GRIK2: variants seen among roughly 807,000 people sequenced by gnomAD.
GRIK2 encodes the protein glutamate receptor ionotropic, kainate 2.
In GRIK2, 32 loss-of-function variants were observed where a neutral mutation model predicts 100.3. The ratio of observed to expected loss-of-function variants is 0.32; its 90% CI spans 0.24 to 0.43. GRIK2 has a LOEUF of 0.43. Ranked by LOEUF, GRIK2 falls within the 20% of genes least tolerant of loss-of-function variation. The probability of loss-of-function intolerance (pLI) is 1.00; values close to 1 mark genes in which losing one functional copy is unlikely to be tolerated. For missense variants in GRIK2, 843 were observed against 1,114.9 expected (o/e 0.76, Z 3.47); for synonymous variants, 417 against 389.4 (o/e 1.07, Z -0.83).
chr6:101,962,199 C>A (rs1290247384), intron 14 of GRIK2, among the ~76,000 whole-genome samples: 1 of 151,880 alleles, frequency 6.6e-6, no homozygotes, highest in Non-Finnish European at 1.5e-5. Flanking sequence ...TTTGTGTGCC[C>A]CAGCTTTTTC....
chr6:101,734,689 G>A (rs1775513634), intron 7 of GRIK2, among the ~76,000 whole-genome samples: 1 of 152,186 alleles, frequency 6.6e-6, no homozygotes, highest in South Asian at 2.1e-4. Flanking sequence ...ATCCTACAGG[G>A]CCCTGAAGGA....
rs1277863835 is a variant in GRIK2, at chr6:101,721,089, A to T, written c.951+34736A>T. The stretch of plus-strand genomic sequence containing the variant: ...ATGTCCATTTGTTTTTTAGAATGAT[A>T]AATTTTTAATAATTTTTACAATTCC... On this transcript the variant is annotated intron_variant, in intron 7 of 16. Coordinates refer to ENST00000369134, the MANE Select transcript of GRIK2 (RefSeq NM_021956.5). Among the ~76,000 whole-genome samples the T allele has an allele frequency of 6.2e-5, 8 of 129,930 alleles. No individual in the cohort carries two copies. The East Asian group carries it at 1.2e-3, about 20-fold the overall frequency. The allele number at this position is 129,930 out of a possible 152,430, so 85.2% of individuals were successfully genotyped here.
intron 5 of GRIK2, among the ~76,000 whole-genome samples, chr6:101,680,005 T>A (rs376451471): frequency 2.6e-5 from 4 of 152,324 alleles, no homozygotes; most frequent in African/African-American, 9.6e-5. Flanking sequence ...CCCAAAGTGC[T>A]GGGATTACAG....
intron 2 of GRIK2, among the ~76,000 whole-genome samples, chr6:101,615,283 A>C (rs907322654): frequency 2.6e-5 from 4 of 151,930 alleles, no homozygotes; most frequent in African/African-American, 9.6e-5. Context: ...TGAATTAAGA[A>C]ATAAAACAAT....
intron 2 of GRIK2, among the ~76,000 whole-genome samples, chr6:101,548,200 T>A (rs535597674): frequency 2.4e-4 from 37 of 152,260 alleles, no homozygotes; most frequent in East Asian, 1.9e-3. Context: ...GTTTGAGTTC[T>A]TTGTAGATTC....
At chr6:101,705,891 T>TA (rs1276353670) in intron 7 of GRIK2, among the ~76,000 whole-genome samples, 2 of 151,816 alleles carry the variant, frequency 1.3e-5, no homozygotes, top group African/African-American at 2.4e-5. Context: ...AGTGCAACAA[T>TA]AAAAAAACAA....
intron 14 of GRIK2, among the ~76,000 whole-genome samples, chr6:101,948,182 C>T (rs1422381467): frequency 6.6e-6 from 1 of 151,818 alleles, no homozygotes; most frequent in Non-Finnish European, 1.5e-5. Context: ...AACAGGAAAA[C>T]GGAGTTAAGT....
At chr6:101,930,214 C>T (rs1413849006) in intron 14 of GRIK2, among the ~76,000 whole-genome samples, 2 of 151,774 alleles carry the variant, frequency 1.3e-5, no homozygotes, top group African/African-American at 4.8e-5. Context: ...TGGTGGCATG[C>T]ACCTGTATTC....
chr6:101,936,885 A>G (rs1014694564), intron 14 of GRIK2, among the ~76,000 whole-genome samples: 6 of 152,132 alleles, frequency 3.9e-5, no homozygotes, highest in African/African-American at 1.4e-4. Context: ...TCTGAAAATT[A>G]GAATATGATG....
chr6:101,522,334 C>A (rs1774920431), intron 2 of GRIK2, among the ~76,000 whole-genome samples: 1 of 152,058 alleles, frequency 6.6e-6, no homozygotes, highest in Non-Finnish European at 1.5e-5. Context: ...GTGTATTAAT[C>A]CAGATAGGTT....
intron 2 of GRIK2, among the ~76,000 whole-genome samples, chr6:101,409,108 ATGTG>A (rs67806970): frequency 0.087 from 12,024 of 138,348 alleles, 545 homozygotes; most frequent in African/African-American, 0.14. Flanking sequence ...AACATTGTGT[ATGTG>A]TGTGTGTGTG....
chr6:101,727,896 G>C (rs9404130), intron 7 of GRIK2, among the ~76,000 whole-genome samples: 17,459 of 151,764 alleles, frequency 0.12, 1,150 homozygotes, highest in South Asian at 0.2. Flanking sequence ...ATATATTAGC[G>C]GTGGGAACTG....
intron 14 of GRIK2, among the ~76,000 whole-genome samples, chr6:101,937,002 C>T (rs1790658861): frequency 6.6e-6 from 1 of 152,064 alleles, no homozygotes; most frequent in Admixed American, 6.6e-5. Flanking sequence ...CGTATTTAAA[C>T]TTGGAAGGAG....
intron 2 of GRIK2, among the ~76,000 whole-genome samples, chr6:101,545,928 T>C (rs1776207545): frequency 7.5e-6 from 1 of 133,982 alleles, no homozygotes; most frequent in Non-Finnish European, 1.6e-5. Context: ...TTATCTGTGC[T>C]GCCATTTAGT....
chr6:102,008,857 T>TCA (rs1795376705), intron 14 of GRIK2, among the ~76,000 whole-genome samples: 1 of 152,044 alleles, frequency 6.6e-6, no homozygotes, highest in African/African-American at 2.4e-5. Context: ...AGGAAAAAAC[T>TCA]TCAAAATGTT....
chr6:101,990,962 T>A (rs1794321792), intron 14 of GRIK2, among the ~76,000 whole-genome samples: 1 of 151,906 alleles, frequency 6.6e-6, no homozygotes, highest in Non-Finnish European at 1.5e-5. Flanking sequence ...ATAAATTACA[T>A]CAATAAATAT....
intron 4 of GRIK2, among the ~76,000 whole-genome samples, chr6:101,638,577 G>A (rs1236856548): frequency 6.6e-6 from 1 of 151,852 alleles, no homozygotes; most frequent in Non-Finnish European, 1.5e-5. Flanking sequence ...TAACCACGGG[G>A]AAAATAGATT....
In GRIK2 at chr6:102,012,241, A is replaced by T. The variant is rs1406875396; in HGVS notation, c.2086-23100A>T. Among the ~76,000 whole-genome samples the T allele has an allele frequency of 3.9e-5, 6 of 152,260 alleles. No homozygotes were observed. In the East Asian group the frequency reaches 9.7e-4, roughly 25 times the overall value. On this transcript the variant is annotated intron_variant, in intron 14 of 16. Transcript: ENST00000369134. ...TCACCAATACCACACTATGTTGATC[A>T]CTGTAACTTTACAGTAAGTGTTGAC...
intron 2 of GRIK2, among the ~76,000 whole-genome samples, chr6:101,457,340 AG>A (rs1771062396): frequency 6.6e-6 from 1 of 152,130 alleles, no homozygotes; most frequent in Admixed American, 6.5e-5. Context: ...TTGATTACAA[AG>A]CTTGTTATCT....
Sources: allele counts gnomAD v4.1 joint callset (sites outside exome capture counted in the v4.1 genomes callset), GRCh38; gene constraint gnomAD v4.1.1; transcripts MANE v1.5; gene names NCBI Gene and HGNC (gene_info 2026-07-23, HGNC 2026-07-21).